The following SLX9 variants were observed in gnomAD, a reference collection of about 807,000 sequenced individuals.
SLX9 encodes ribosome biogenesis protein SLX9 homolog.
Under a neutral mutation model 20.8 loss-of-function variants are expected in SLX9, and 19 were observed. The ratio of observed to expected loss-of-function variants is 0.91; its 90% CI spans 0.64 to 1.34. The LOEUF (loss-of-function observed/expected upper bound fraction) is 1.34, where lower values mean the gene tolerates loss of function less well. Among genes scored for constraint, SLX9 ranks in the 40% most tolerant of loss-of-function variants. SLX9 has a pLI of 0.00. For synonymous variants in SLX9, 113 were observed against 137.1 expected (o/e 0.82, Z 1.23); for missense variants, 299 against 322.2 (o/e 0.93, Z 0.55).
intron 4 of SLX9, among the ~76,000 whole-genome samples, chr21:44,970,678 C>T (rs990101503): frequency 6.6e-6 from 1 of 152,206 alleles, no homozygotes; most frequent in Non-Finnish European, 1.5e-5. Context: ...GTGCTTTGGG[C>T]TTGAGGGGTC....
At chr21:44,969,141 G>A (rs772944342) in intron 4 of SLX9, 51 of 470,228 alleles carry the variant, frequency 1.1e-4, no homozygotes, top group Non-Finnish European at 1.9e-4. Flanking sequence ...GTCAAACCTG[G>A]GGTCCATCCT....
intron 1 of SLX9, among the ~76,000 whole-genome samples, chr21:44,942,585 A>G (rs1019035442): frequency 6.6e-6 from 1 of 152,168 alleles, no homozygotes; most frequent in African/African-American, 2.4e-5. Flanking sequence ...CTCTACCTTC[A>G]AGGTTTTTAG....
At chr21:44,964,294 C>T (rs2084995139) in intron 3 of SLX9, among the ~76,000 whole-genome samples, 1 of 152,172 alleles carries the variant, frequency 6.6e-6, no homozygotes, top group Non-Finnish European at 1.5e-5. Context: ...TCCTTAGGAT[C>T]TTTAGAAATG....
chr21:44,948,006 G>A (rs572209478), intron 2 of SLX9, among the ~76,000 whole-genome samples: 44 of 152,204 alleles, frequency 2.9e-4, no homozygotes, highest in Non-Finnish European at 4.1e-4. Context: ...CTCCCCCAAC[G>A]CAGTGCCACC....
chr21:44,955,315 C>T (rs558905358), intron 2 of SLX9, among the ~76,000 whole-genome samples: 3 of 152,352 alleles, frequency 2.0e-5, no homozygotes, highest in East Asian at 3.9e-4. Context: ...TCCCCGCTGC[C>T]GCGGTGCTGG....
At chr21:44,945,574 G>A (rs2026883) in intron 2 of SLX9, among the ~76,000 whole-genome samples, 2,007 of 152,302 alleles carry the variant, frequency 0.013, 48 homozygotes, top group African/African-American at 0.045. Context: ...TCACGCTCAC[G>A]ACCCGTCTTG....
rs140102661 is a variant in SLX9, at chr21:44,973,234, C to T, written c.538C>T (p.Arg180Trp). ...CAAGCCCCGGCCCTCAGAGCTCAGC[C>T]GGATGAGCGCAGCCCAGAGACAGCA... is the stretch of plus-strand genomic sequence containing the variant. ...SNKPRPSELS[R>W]MSAAQRQQLL... The change falls in exon 5 of 6, where the codon CGG becomes TGG. Residue 180 changes from arginine (R) to tryptophan (W), a missense_variant. Arg to Trp is a moderately radical substitution (Grantham distance 101). Transcript: ENST00000291634. 342 of 1,612,792 alleles carry T rather than the reference C, an allele frequency of 2.1e-4. 1 individual carries two copies. Among genetic ancestry groups the T allele is most frequent in the East Asian group, 1.8e-4 (8 of 44,906 alleles).
At chr21:44,956,498 G>T (rs1245593049) in intron 2 of SLX9, among the ~76,000 whole-genome samples, 2 of 152,200 alleles carry the variant, frequency 1.3e-5, no homozygotes, top group Admixed American at 1.3e-4. Context: ...GCTGGCATGT[G>T]CCGCTTCAGC....
chr21:44,945,943 C>T (rs117780683), intron 2 of SLX9, among the ~76,000 whole-genome samples: 6,290 of 152,126 alleles, frequency 0.041, 216 homozygotes, highest in East Asian at 0.15. Flanking sequence ...CCCCGTTGGC[C>T]GGGATGGTCT....
intron 2 of SLX9, among the ~76,000 whole-genome samples, chr21:44,954,312 T>TG (rs1246274018): frequency 4.6e-5 from 7 of 152,118 alleles, no homozygotes; most frequent in Non-Finnish European, 8.8e-5. Flanking sequence ...GGCCGAGCGT[T>TG]GTGTGGGTGC....
Position 44,967,027 on chromosome 21 carries a change from T to G in SLX9, c.353-7T>G. ...GTTTGCCTCTAACGTCGTTTCTCCT[T>G]CCTTAGAAATCGAAGCCATAAAACT... is the stretch of plus-strand genomic sequence containing the variant. On this transcript the variant is annotated splice_polypyrimidine_tract_variant and splice_region_variant and intron_variant, in intron 3 of 5. Coordinates refer to ENST00000291634, the MANE Select transcript of SLX9 (RefSeq NM_058190.4). The G allele has an allele frequency of 6.2e-7, 1 of 1,606,970 alleles. No individual in the cohort carries two copies. The highest frequency in any genetic ancestry group is 8.5e-7 in the Non-Finnish European group (1 of 1,177,584).
chr21:44,968,252 C>A (rs1160306785), intron 4 of SLX9, among the ~76,000 whole-genome samples: 1 of 152,050 alleles, frequency 6.6e-6, no homozygotes, highest in East Asian at 1.9e-4. Context: ...GGTGACGCAA[C>A]CCCCAGTGAC....
At chr21:44,951,869 C>A (rs548037549) in intron 2 of SLX9, among the ~76,000 whole-genome samples, 2 of 148,394 alleles carry the variant, frequency 1.3e-5, no homozygotes, top group Non-Finnish European at 3.0e-5. Flanking sequence ...AGGGTTCGCC[C>A]GTCGTGTGTG....
chr21:44,940,301 G>T, intron 1 of SLX9, 115 bp downstream of exon 1: 2 of 1,175,308 alleles, frequency 1.7e-6, no homozygotes, highest in Non-Finnish European at 2.1e-6. Flanking sequence ...GGCTCTGCGG[G>T]CATTTGCTGC....
chr21:44,965,202 G>A (rs1455582076), intron 3 of SLX9, among the ~76,000 whole-genome samples: 2 of 152,170 alleles, frequency 1.3e-5, no homozygotes, highest in African/African-American at 2.4e-5. Flanking sequence ...GGCAGCATCC[G>A]ATTTTTCCGG....
intron 3 of SLX9, among the ~76,000 whole-genome samples, chr21:44,963,275 G>A (rs1180015447): frequency 6.6e-6 from 1 of 151,998 alleles, no homozygotes; most frequent in African/African-American, 2.4e-5. Context: ...ATTTTTAGTA[G>A]AGATGGGGTT....
intron 2 of SLX9, among the ~76,000 whole-genome samples, chr21:44,946,902 T>TTGGCAGGG (rs2084653256): frequency 6.6e-6 from 1 of 152,198 alleles, no homozygotes; most frequent in South Asian, 2.1e-4. Context: ...AAGCACCAGC[T>TTGGCAGGG]TGGCAGGGTG....
Position 44,960,184 on chromosome 21 carries a change from C to A in SLX9, c.352+16C>A. ...TGGTTGCAGAGTAAGTCCATGCCTG[C>A]GTCTTGAGGCAGCTGCCGGCCCAAG... On this transcript the variant is annotated intron_variant, in intron 3 of 5. Coordinates refer to ENST00000291634, the MANE Select transcript of SLX9 (RefSeq NM_058190.4). 1 of 1,613,242 alleles carries A rather than the reference C, an allele frequency of 6.2e-7. No homozygotes were observed. Among genetic ancestry groups the A allele is most frequent in the Non-Finnish European group, 8.5e-7 (1 of 1,179,162 alleles).
chr21:44,952,839 C>T (rs567669969), intron 2 of SLX9, among the ~76,000 whole-genome samples: 7 of 152,322 alleles, frequency 4.6e-5, no homozygotes, highest in African/African-American at 1.7e-4. Context: ...TTGACATGTT[C>T]GGTTGGTGGG....
Sources: gnomAD v4.1 joint callset for allele counts (sites outside exome capture counted in the v4.1 genomes callset) on GRCh38, gnomAD v4.1.1 for gene constraint, MANE v1.5 for transcripts, NCBI Gene and HGNC (gene_info 2026-07-23, HGNC 2026-07-21) for gene names.